MCHR2: variants seen among roughly 807,000 people sequenced by gnomAD.
The protein encoded by MCHR2 is melanin-concentrating hormone receptor 2.
In MCHR2, 15 loss-of-function variants were observed where a neutral mutation model predicts 24.8. The ratio of observed to expected loss-of-function variants is 0.60; its 90% CI spans 0.40 to 0.93. MCHR2 has a LOEUF of 0.93. Ranked by LOEUF, MCHR2 falls within the 40% of genes least tolerant of loss-of-function variation. The pLI, the probability that MCHR2 is intolerant of heterozygous loss-of-function variation, is 0.00. For synonymous variants in MCHR2, 151 were observed against 147.6 expected, an observed-to-expected ratio of 1.02 and a Z score of -0.17; for missense variants, 386 against 408.7, an observed-to-expected ratio of 0.94 and a Z score of 0.48.
intron 3 of MCHR2, among the ~76,000 whole-genome samples, chr6:99,944,242 T>C (rs961388882): frequency 1.3e-5 from 2 of 152,130 alleles, no homozygotes; most frequent in African/African-American, 4.8e-5. Flanking sequence ...ATCAAATGTA[T>C]TTGGTCCTCC....
At chr6:99,939,872 GTTTTT>G in intron 4 of MCHR2, among the ~76,000 whole-genome samples, 1 of 108,194 alleles carries the variant, frequency 9.2e-6, no homozygotes, top group South Asian at 3.4e-4. Context: ...GATGGCAGGT[GTTTTT>G]TTTTTTTTTT....
rs1774262304 is a variant in MCHR2, at chr6:99,922,611, A to G, written c.708-1356T>C. Among the ~76,000 whole-genome samples, 16 of 152,326 alleles carry G rather than the reference A, an allele frequency of 1.1e-4. No homozygotes were observed. In the South Asian group the frequency reaches 3.3e-3, roughly 32 times the overall value. On this transcript the variant is annotated intron_variant, in intron 5 of 5. Coordinates refer to ENST00000281806, the MANE Select transcript of MCHR2 (RefSeq NM_001040179.2). ...TAGTTTCATTCTTCTGCATATGGAC[A>G]TCCAATTTTACCAGCATCATTTATT... is the stretch of plus-strand genomic sequence containing the variant.
At chr6:99,936,099 A>G (rs900642484) in intron 4 of MCHR2, among the ~76,000 whole-genome samples, 1 of 151,790 alleles carries the variant, frequency 6.6e-6, no homozygotes, top group Admixed American at 6.6e-5. Flanking sequence ...CTGGTTTTTA[A>G]TCACTTGTCA....
At chr6:99,951,953 G>C (rs1367892756) in intron 2 of MCHR2, among the ~76,000 whole-genome samples, 1 of 152,062 alleles carries the variant, frequency 6.6e-6, no homozygotes, top group Non-Finnish European at 1.5e-5. Flanking sequence ...TTGGAGGATA[G>C]GGCACCTTTT....
In MCHR2 at chr6:99,982,474, A is replaced by G. The variant is rs75085001; in HGVS notation, c.-28+11462T>C. 1.9e-4 allele frequency among the ~76,000 whole-genome samples: 26 copies of G among 136,324 alleles called. 1 individual carries two copies. Among genetic ancestry groups the G allele is most frequent in the African/African-American group, 7.1e-4 (24 of 33,628 alleles). 89.4% of individuals were successfully genotyped at this position (136,324 alleles called of 152,430 possible). A position where few individuals can be genotyped will look rare whatever the true frequency, so the allele number is the denominator to read the frequency against. On this transcript the variant is annotated intron_variant, in intron 1 of 5. Coordinates refer to ENST00000281806, the MANE Select transcript of MCHR2 (RefSeq NM_001040179.2). ...AGAAACCTTGTCTGTACAGAAAAAA[A>G]AAAAAAAAAAAAAAAAAAGCCAGGT...
chr6:99,984,674 A>G (rs1293558169), intron 1 of MCHR2, among the ~76,000 whole-genome samples: 1 of 152,128 alleles, frequency 6.6e-6, no homozygotes, highest in African/African-American at 2.4e-5. Flanking sequence ...GAAGGAACTT[A>G]TCTCAAAATA....
intron 5 of MCHR2, among the ~76,000 whole-genome samples, chr6:99,930,998 T>C (rs375716345): frequency 1.3e-5 from 2 of 152,126 alleles, no homozygotes; most frequent in African/African-American, 4.8e-5. Context: ...TTGATGATGG[T>C]GATGTACAGA....
At chr6:99,977,450 G>T (rs998215853) in intron 1 of MCHR2, among the ~76,000 whole-genome samples, 4 of 152,072 alleles carry the variant, frequency 2.6e-5, no homozygotes, top group Non-Finnish European at 5.9e-5. Context: ...TCCTGAGACT[G>T]TTCACAGGAG....
intron 1 of MCHR2, among the ~76,000 whole-genome samples, chr6:99,980,153 G>A (rs9496070): frequency 0.55 from 83,741 of 152,000 alleles, 23,259 homozygotes; most frequent in African/African-American, 0.57. Flanking sequence ...ATTCTAAAAA[G>A]CACAGTAGCA....
intron 1 of MCHR2, among the ~76,000 whole-genome samples, chr6:99,960,717 C>A (rs1332191884): frequency 2.0e-5 from 3 of 152,084 alleles, no homozygotes; most frequent in Non-Finnish European, 2.9e-5. Flanking sequence ...CTGACAAAAA[C>A]AAGCAAGGGG....
chr6:99,992,513 T>A (rs1775902993), intron 1 of MCHR2, among the ~76,000 whole-genome samples: 1 of 152,162 alleles, frequency 6.6e-6, no homozygotes, highest in Non-Finnish European at 1.5e-5. Flanking sequence ...ATGAAATTGG[T>A]TCTCTCACAG....
intron 5 of MCHR2, among the ~76,000 whole-genome samples, chr6:99,928,080 A>G (rs1774410787): frequency 6.6e-6 from 1 of 152,242 alleles, no homozygotes; most frequent in Non-Finnish European, 1.5e-5. Context: ...CCTTTTCTGC[A>G]TCTATTGAGA....
intron 5 of MCHR2, among the ~76,000 whole-genome samples, chr6:99,929,158 T>G (rs1774444753): frequency 6.6e-6 from 1 of 152,212 alleles, no homozygotes; most frequent in African/African-American, 2.4e-5. Context: ...TTGAGTGAGT[T>G]TCTTAATCCT....
chr6:99,978,420 G>GTTTTTTTTT lies in MCHR2; in HGVS notation c.-28+15507_-28+15515dup. Reference sequence around the variant, plus strand: ...GAAGAGGCTATGGGAGGTCAAGACAGTTTTTTTTTTTTTTTTTTTTGAGAC... The same window carrying GTTTTTTTTT: ...GAAGAGGCTATGGGAGGTCAAGACAGTTTTTTTTTTTTTTTTTTTTTTTTTTTTTGAGAC... On this transcript the variant is annotated intron_variant, in intron 1 of 5. Transcript: ENST00000281806. Among the ~76,000 whole-genome samples the GTTTTTTTTT allele has an allele frequency of 1.9e-5, 2 of 104,164 alleles. 1 individual carries two copies. The highest frequency in any genetic ancestry group is 7.6e-5 in the African/African-American group (2 of 26,462). The allele number at this position is 104,164 out of a possible 152,430, so 68.3% of individuals were successfully genotyped here. A position where few individuals can be genotyped will look rare whatever the true frequency, so the allele number is the denominator to read the frequency against.
In MCHR2 at chr6:99,954,002, G is replaced by T. The variant is rs552644899; in HGVS notation, c.182+1964C>A. On this transcript the variant is annotated intron_variant, in intron 2 of 5. Coordinates refer to ENST00000281806, the MANE Select transcript of MCHR2 (RefSeq NM_001040179.2). ...GAGACGCCACCTGGGGAAGTGACAAGTTACGAGCCTTCTCGGGGTGACCTT... is the reference window on the plus strand; with the variant it reads ...GAGACGCCACCTGGGGAAGTGACAATTTACGAGCCTTCTCGGGGTGACCTT... 1.7e-3 allele frequency among the ~76,000 whole-genome samples: 266 copies of T among 152,226 alleles called. 1 individual carries two copies. Among genetic ancestry groups the T allele is most frequent in the Non-Finnish European group, 2.0e-3 (139 of 67,986 alleles).
chr6:99,936,641 T>C (rs553869466), intron 4 of MCHR2, among the ~76,000 whole-genome samples: 1 of 152,022 alleles, frequency 6.6e-6, no homozygotes, highest in African/African-American at 2.4e-5. Flanking sequence ...CTAGCTTTGT[T>C]CTTTACCTCA....
At chr6:99,955,607 C>T (rs1326801883) in intron 2 of MCHR2, among the ~76,000 whole-genome samples, 3 of 152,050 alleles carry the variant, frequency 2.0e-5, no homozygotes, top group Non-Finnish European at 4.4e-5. Flanking sequence ...CCGGGCCCTA[C>T]CCTTAGAGAT....
At chr6:99,931,830 G>A (rs1293441645) in intron 5 of MCHR2, among the ~76,000 whole-genome samples, 1 of 152,174 alleles carries the variant, frequency 6.6e-6, no homozygotes, top group Admixed American at 6.5e-5. Context: ...TTCGCTCACG[G>A]TGCACTGCAT....
intron 1 of MCHR2, among the ~76,000 whole-genome samples, chr6:99,969,595 T>C (rs896731493): frequency 5.3e-5 from 8 of 151,898 alleles, no homozygotes; most frequent in Non-Finnish European, 8.8e-5. Flanking sequence ...TACTTTAAGT[T>C]TTAGGGTTCA....
Sources: allele counts gnomAD v4.1 joint callset (sites outside exome capture counted in the v4.1 genomes callset), GRCh38; gene constraint gnomAD v4.1.1; transcripts MANE v1.5; gene names NCBI Gene and HGNC (gene_info 2026-07-23, HGNC 2026-07-21).